Variants in SMO observed in about 807,000 individuals in gnomAD.
SMO encodes smoothened, frizzled class receptor, also known as protein smoothened.
In SMO, 40 loss-of-function variants were observed where a neutral mutation model predicts 81.6. The ratio of observed to expected loss-of-function variants is 0.49; its 90% CI spans 0.38 to 0.64. The LOEUF (loss-of-function observed/expected upper bound fraction) is 0.64. Among genes scored for constraint, SMO ranks in the 30% least tolerant of loss-of-function variants. The pLI is 0.00. For missense variants in SMO, 916 were observed against 1,061.1 expected, an observed-to-expected ratio of 0.86 and a Z score of 1.90; for synonymous variants, 434 against 432.1, an observed-to-expected ratio of 1.00 and a Z score of -0.05.
rs1454613895 is a variant in SMO at position 129,188,775 on chromosome 7, C to G, written c.-377C>G. The G allele has an allele frequency of 5.0e-6, 1 of 200,372 alleles. No homozygotes were observed. Among genetic ancestry groups the G allele is most frequent in the Non-Finnish European group, 1.0e-5 (1 of 97,626 alleles). The allele number at this position is 200,372 out of a possible 1,614,324, so 12.4% of individuals were successfully genotyped here. On this transcript the variant is annotated 5_prime_UTR_variant, in exon 1 of 12. Coordinates refer to ENST00000249373, the MANE Select transcript of SMO (RefSeq NM_005631.5). The surrounding 1 kb of genome is among the most constrained non-coding windows in gnomAD (Gnocchi z 4.9). ...GGCGGAGCCGGAGCTGCACTCGCAC[C>G]CCCGGCCCGCGTCTGGCCTCCCTCG...
At chr7:129,191,768 T>C (rs530461979) in intron 1 of SMO, among the ~76,000 whole-genome samples, 23 of 152,334 alleles carry the variant, frequency 1.5e-4, no homozygotes, top group African/African-American at 5.1e-4. Flanking sequence ...ATCGGTAAAC[T>C]CTTGAATGTA....
At chr7:129,195,028 C>T (rs909311704) in intron 1 of SMO, among the ~76,000 whole-genome samples, 4 of 152,116 alleles carry the variant, frequency 2.6e-5, no homozygotes, top group Non-Finnish European at 4.4e-5. Context: ...GGTGAGCCAC[C>T]CGCCTCATAC....
chr7:129,191,133 T>A (rs1165493811), intron 1 of SMO, among the ~76,000 whole-genome samples: 2 of 152,218 alleles, frequency 1.3e-5, no homozygotes, highest in African/African-American at 4.8e-5. Flanking sequence ...TGTCAGAGGA[T>A]AATCTTTCTG....
chr7:129,202,612 G>A (rs1426222424), intron 1 of SMO, among the ~76,000 whole-genome samples: 1 of 152,106 alleles, frequency 6.6e-6, no homozygotes, highest in East Asian at 1.9e-4. Flanking sequence ...TCCCCTCTCC[G>A]CACTGGACAG....
chr7:129,203,788 A>G (rs1793711872), intron 2 of SMO, among the ~76,000 whole-genome samples, 199 bp downstream of exon 2: 1 of 152,132 alleles, frequency 6.6e-6, no homozygotes, highest in African/African-American at 2.4e-5. Context: ...CTATTTATTT[A>G]TCAATGATCA....
intron 1 of SMO, among the ~76,000 whole-genome samples, chr7:129,197,016 C>CA (rs11445153): frequency 0.78 from 87,899 of 113,256 alleles, 33,914 homozygotes; most frequent in Middle Eastern, 0.85. Flanking sequence ...GACACCGTCT[C>CA]AAAAAAAAAA....
At position 129,210,031 on chromosome 7, in the gene SMO, G is replaced by A. The variant is rs542849870; in HGVS notation, c.1467-332G>A. The A allele has an allele frequency of 2.9e-4, 67 of 228,488 alleles. 1 individual carries two copies. In the Middle Eastern group the frequency reaches 7.0e-3, roughly 24 times the overall value. 14.2% of individuals were successfully genotyped at this position (228,488 alleles called of 1,614,324 possible). ...CCCAGAGATTCAATTTAATTGTCTA[G>A]GGTGGGTCCCAGGCATCAGTAGCTA... On this transcript the variant is annotated intron_variant, in intron 8 of 11. Coordinates refer to ENST00000249373, the MANE Select transcript of SMO (RefSeq NM_005631.5). The surrounding 1 kb of genome is among the most constrained non-coding windows in gnomAD (Gnocchi z 4.7).
Position 129,189,618 on chromosome 7 carries a change from C to A in SMO, c.331+136C>A. The stretch of plus-strand genomic sequence containing the variant: ...CCGGGAGAGTTGGAGGGACAGATCC[C>A]GAAACTTTGGGGGCAGGTTACGTGC... On this transcript the variant is annotated intron_variant, in intron 1 of 11. Transcript: ENST00000249373. The surrounding 1 kb of genome is among the most constrained non-coding windows in gnomAD (Gnocchi z 4.7). 1.0e-6 allele frequency: 1 copy of A among 978,486 alleles called. No individual in the cohort carries two copies. 60.6% of individuals were successfully genotyped at this position (978,486 alleles called of 1,614,324 possible).
At position 129,212,467 on chromosome 7, in the gene SMO, C is replaced by T. The variant is rs1793893235; in HGVS notation, c.*16C>T. The T allele has an allele frequency of 3.1e-6, 5 of 1,602,928 alleles. No individual in the cohort carries two copies. Among genetic ancestry groups the T allele is most frequent in the Non-Finnish European group, 3.4e-6 (4 of 1,172,218 alleles). On this transcript the variant is annotated 3_prime_UTR_variant, in exon 12 of 12. Transcript: ENST00000249373. This position sits in a 1 kb window ranked among gnomAD's most constrained non-coding sequence, Gnocchi z 5.0. ...GGACTTCTGAGCCTGCAGAGCAGGA[C>T]CTGGGACAGGAAAGAGAGGAACCAA...
At chr7:129,194,189 C>G (rs866553773) in intron 1 of SMO, among the ~76,000 whole-genome samples, 7 of 151,874 alleles carry the variant, frequency 4.6e-5, no homozygotes, top group African/African-American at 1.5e-4. Context: ...GAAAAACATA[C>G]ATGGACCTAA....
chr7:129,190,312 A>C (rs1159378671), intron 1 of SMO, among the ~76,000 whole-genome samples: 1 of 152,092 alleles, frequency 6.6e-6, no homozygotes, highest in Non-Finnish European at 1.5e-5. Context: ...GAGTCTGAAA[A>C]ACTGCACACT....
In SMO at chr7:129,212,185, A is replaced by G. The variant is rs1405069150; in HGVS notation, c.2098A>G (p.Thr700Ala). The change falls in exon 12 of 12, where the codon ACC (threonine) becomes GCC (alanine). Residue 700 changes from threonine to alanine, a missense_variant. Transcript: ENST00000249373. This position sits in a 1 kb window ranked among gnomAD's most constrained non-coding sequence, Gnocchi z 5.0. ...TCACCCCCCTGCCCCTGCCCCCAGT[A>G]CCATTCCTCGACTGCCTCAGCTGCC... Reference protein sequence around the residue: ...ELHPPAPAPSTIPRLPQLPRQ... With the variant: ...ELHPPAPAPSAIPRLPQLPRQ... 2 of 1,557,788 alleles carry G rather than the reference A, an allele frequency of 1.3e-6. No homozygotes were observed. Among genetic ancestry groups the G allele is most frequent in the South Asian group, 1.2e-5 (1 of 85,020 alleles).
chr7:129,211,791 G>A lies in SMO; in HGVS notation c.1936+21G>A, dbSNP rs1292037269. 1.2e-6 allele frequency: 2 copies of A among 1,613,880 alleles called. No homozygotes were observed. The highest frequency in any genetic ancestry group is 3.3e-5 in the Admixed American group (2 of 60,024). On this transcript the variant is annotated intron_variant, in intron 11 of 11. Transcript: ENST00000249373. This position sits in a 1 kb window ranked among gnomAD's most constrained non-coding sequence, Gnocchi z 4.6. ...TCCAGGTATGAGAGTTCAAGCTTCTGGAGGAAGGTGGGGGGAGCACAGAGG... is the reference window on the plus strand; with the variant it reads ...TCCAGGTATGAGAGTTCAAGCTTCTAGAGGAAGGTGGGGGGAGCACAGAGG...
intron 1 of SMO, among the ~76,000 whole-genome samples, chr7:129,200,311 C>G (rs1480675493): frequency 6.6e-6 from 1 of 152,002 alleles, no homozygotes; most frequent in Non-Finnish European, 1.5e-5. Flanking sequence ...ATCCCAGCTA[C>G]TCGGGAGGCT....
chr7:129,196,421 C>A (rs1793581008), intron 1 of SMO, among the ~76,000 whole-genome samples: 1 of 151,318 alleles, frequency 6.6e-6, no homozygotes, highest in Non-Finnish European at 1.5e-5. Context: ...CTCAAGTGAT[C>A]CTCCTGCCTT....
Position 129,210,508 on chromosome 7 carries a change from A to G in SMO, c.1612A>G (p.Thr538Ala). 1 of 1,614,120 alleles carries G rather than the reference A, an allele frequency of 6.2e-7. No individual in the cohort carries two copies. Among genetic ancestry groups the G allele is most frequent in the Non-Finnish European group, 8.5e-7 (1 of 1,180,008 alleles). Residue 538 changes from threonine to alanine, a missense_variant, in exon 9 of 12, where the codon ACC (threonine) becomes GCC (alanine). Around this residue, in one of 4 missense-constraint regions of SMO, gnomAD observed 436 missense variants for 570.9 expected, o/e 0.76. Transcript: ENST00000249373. This position sits in a 1 kb window ranked among gnomAD's most constrained non-coding sequence, Gnocchi z 4.7. ...TGIAMSTWVWTKATLLIWRRT... is the reference protein window; with the variant it reads ...TGIAMSTWVWAKATLLIWRRT... ...CATCGCCATGAGCACCTGGGTCTGG[A>G]CCAAGGCCACGCTGCTCATCTGGAG...
At chr7:129,197,650 T>C (rs1584656604) in intron 1 of SMO, among the ~76,000 whole-genome samples, 1 of 152,060 alleles carries the variant, frequency 6.6e-6, no homozygotes, top group East Asian at 1.9e-4. Flanking sequence ...GTCAATTTCC[T>C]GACCGTGTGA....
Position 129,189,026 on chromosome 7 carries a change from C to T in SMO, c.-126C>T. 1.2e-6 allele frequency: 1 copy of T among 843,154 alleles called. No homozygotes were observed. Among genetic ancestry groups the T allele is most frequent in the Non-Finnish European group, 1.6e-6 (1 of 640,686 alleles). The allele number at this position is 843,154 out of a possible 1,614,324, so 52.2% of individuals were successfully genotyped here. On this transcript the variant is annotated 5_prime_UTR_variant, in exon 1 of 12. Transcript: ENST00000249373. The surrounding 1 kb of genome is among the most constrained non-coding windows in gnomAD (Gnocchi z 4.7). The stretch of plus-strand genomic sequence containing the variant: ...GCGGAGCGTCCGGGGGGGCCCGGGC[C>T]CGGATTCTCTGGGCGCACAGGTCGC...
rs1793749928 is a variant in SMO at position 129,205,532 on chromosome 7, G to A, written c.748-78G>A. 16 of 1,521,888 alleles carry A rather than the reference G, an allele frequency of 1.1e-5. No individual in the cohort carries two copies. In the South Asian group the frequency reaches 1.7e-4, roughly 16 times the overall value. The allele number at this position is 1,521,888 out of a possible 1,614,324, so 94.3% of individuals were successfully genotyped here. On this transcript the variant is annotated intron_variant, in intron 3 of 11. Transcript: ENST00000249373. Reference sequence around the variant, plus strand: ...CCCAGGGAAGGGTCATGATCAGAAGGGTCTGGGGCTCAGTTAAGGGTGTCT... The same window carrying A: ...CCCAGGGAAGGGTCATGATCAGAAGAGTCTGGGGCTCAGTTAAGGGTGTCT...
Sources: allele counts gnomAD v4.1 joint callset (sites outside exome capture counted in the v4.1 genomes callset), GRCh38; gene constraint gnomAD v4.1.1; regional missense constraint gnomAD v4.1.1; non-coding constraint Gnocchi (gnomAD v3.1); transcripts MANE v1.5; gene names NCBI Gene and HGNC (gene_info 2026-07-23, HGNC 2026-07-21).